PPM1L: variants seen among roughly 807,000 people sequenced by gnomAD.
PPM1L encodes the protein protein phosphatase, Mg2+/Mn2+ dependent 1L.
PPM1L carries 13 observed loss-of-function variants against 31.4 expected under a neutral mutation model. That is an observed-to-expected ratio of 0.41 (90% confidence interval 0.27 to 0.66). The LOEUF (loss-of-function observed/expected upper bound fraction) is 0.66, where lower values mean the gene tolerates loss of function less well. Among genes scored for constraint, PPM1L ranks in the 30% least tolerant of loss-of-function variants. The pLI, the probability that PPM1L is intolerant of heterozygous loss-of-function variation, is 0.29. For missense variants in PPM1L, 326 were observed against 453.7 expected (o/e 0.72, Z 2.56); for synonymous variants, 184 against 175.4 (o/e 1.05, Z -0.39).
chr3:161,023,370 C>A (rs749530604), intron 2 of PPM1L, among the ~76,000 whole-genome samples: 29 of 152,102 alleles, frequency 1.9e-4, no homozygotes, highest in Middle Eastern at 3.4e-3. Context: ...TATGTTGTTG[C>A]AATTCATGAT....
At chr3:160,856,925 T>C (rs574039878) in intron 1 of PPM1L, among the ~76,000 whole-genome samples, 2 of 152,302 alleles carry the variant, frequency 1.3e-5, no homozygotes, top group South Asian at 4.1e-4. Flanking sequence ...GTTTTTGTAG[T>C]TGATTGTTTA....
rs1720176808 is a variant in PPM1L at position 161,078,405 on chromosome 3, T to C, written c.*9248T>C. On this transcript the variant is annotated 3_prime_UTR_variant, in exon 4 of 4. Coordinates refer to ENST00000498165, the MANE Select transcript of PPM1L (RefSeq NM_139245.4). ...TTTAAAAATCACAAGGGATTATTTG[T>C]TTATAAAGAGATACAGGATCTATAA... 6.6e-6 allele frequency: 1 copy of C among 152,218 alleles called. No homozygotes were observed. 9.4% of individuals were successfully genotyped at this position (152,218 alleles called of 1,614,324 possible).
At chr3:161,053,214 A>G (rs569322044) in intron 2 of PPM1L, among the ~76,000 whole-genome samples, 1 of 152,366 alleles carries the variant, frequency 6.6e-6, no homozygotes, top group South Asian at 2.1e-4. Context: ...ATTATAAATT[A>G]ATTTCAGTAG....
chr3:161,014,368 A>G (rs775444338), intron 2 of PPM1L, among the ~76,000 whole-genome samples: 9 of 152,132 alleles, frequency 5.9e-5, no homozygotes, highest in African/African-American at 1.2e-4. Context: ...ACTCCAAATT[A>G]TAACATATCC....
chr3:161,009,986 A>G (rs1416173475), intron 2 of PPM1L, among the ~76,000 whole-genome samples: 1 of 152,058 alleles, frequency 6.6e-6, no homozygotes, highest in Non-Finnish European at 1.5e-5. Flanking sequence ...TATCCATGTT[A>G]GTTGTTTTTA....
At chr3:160,835,039 A>ACTTCTTCTTCTTCTT (rs201253772) in intron 1 of PPM1L, among the ~76,000 whole-genome samples, 12,370 of 131,570 alleles carry the variant, frequency 0.094, 678 homozygotes, top group East Asian at 0.16. Context: ...TACTACTACT[A>ACTTCTTCTTCTTCTT]CTTCTTCTTC....
intron 1 of PPM1L, among the ~76,000 whole-genome samples, chr3:160,821,608 G>T (rs1398352752): frequency 6.6e-6 from 1 of 152,062 alleles, no homozygotes; most frequent in Non-Finnish European, 1.5e-5. Flanking sequence ...TTTTTTGGGA[G>T]TAAATTTTGG....
intron 1 of PPM1L, among the ~76,000 whole-genome samples, chr3:160,858,818 A>G (rs142658138): frequency 5.4e-4 from 82 of 152,274 alleles, no homozygotes; most frequent in Non-Finnish European, 1.0e-3. Context: ...CAGTTTCCTC[A>G]TCTATAATAA....
intron 1 of PPM1L, among the ~76,000 whole-genome samples, chr3:160,887,133 A>G (rs1323975996): frequency 6.6e-6 from 1 of 152,052 alleles, no homozygotes; most frequent in Non-Finnish European, 1.5e-5. Flanking sequence ...CATCTTGCTT[A>G]AATAATGCAT....
intron 1 of PPM1L, among the ~76,000 whole-genome samples, chr3:160,814,279 A>G (rs74819283): frequency 0.092 from 13,924 of 152,124 alleles, 974 homozygotes; most frequent in African/African-American, 0.19. Context: ...ATCAGGTTAA[A>G]TCTGGAGCAT....
rs946479801 is a variant in PPM1L at position 160,762,565 on chromosome 3, T to TA, written c.399+5866dup. ...TCTACTTGGAGAGATGAGCTTTTTT[T>TA]AAAAAAAATAGCAGAGTTACAAGAT... On this transcript the variant is annotated intron_variant, in intron 1 of 3. Coordinates refer to ENST00000498165, the MANE Select transcript of PPM1L (RefSeq NM_139245.4). Among the ~76,000 whole-genome samples the TA allele has an allele frequency of 1.6e-4, 25 of 152,078 alleles. No individual in the cohort carries two copies. The East Asian group carries it at 1.7e-3, about 11-fold the overall frequency.
At chr3:161,038,711 C>G (rs1718825660) in intron 2 of PPM1L, among the ~76,000 whole-genome samples, 1 of 149,416 alleles carries the variant, frequency 6.7e-6, no homozygotes, top group South Asian at 2.1e-4. Flanking sequence ...AGTGATTAAT[C>G]TGAAAATCAT....
chr3:160,814,518 T>TACACACAC (rs1330029237), intron 1 of PPM1L, among the ~76,000 whole-genome samples: 2 of 78,564 alleles, frequency 2.5e-5, no homozygotes, highest in African/African-American at 6.1e-5. Context: ...TGTATATATA[T>TACACACAC]ACACACACAT....
At chr3:160,956,747 A>C (rs1715787995) in intron 1 of PPM1L, among the ~76,000 whole-genome samples, 1 of 152,254 alleles carries the variant, frequency 6.6e-6, no homozygotes, top group Non-Finnish European at 1.5e-5. Flanking sequence ...AAAATTAAAG[A>C]CCAAGAATAG....
rs138777819 is a variant in PPM1L at position 161,027,275 on chromosome 3, T to G, written c.575-38128T>G. Among the ~76,000 whole-genome samples the G allele has an allele frequency of 9.6e-4, 146 of 152,270 alleles. 1 individual carries two copies. Among genetic ancestry groups the G allele is most frequent in the Non-Finnish European group, 1.6e-3 (107 of 68,020 alleles). On this transcript the variant is annotated intron_variant, in intron 2 of 3. Transcript: ENST00000498165. ...GGGGAGATTGCAGGCCAAGAGACCT[T>G]TAGACGATTGGTGCAATCAAGGTGT...
intron 2 of PPM1L, among the ~76,000 whole-genome samples, chr3:161,013,214 G>T (rs1364872448): frequency 6.6e-6 from 1 of 152,114 alleles, no homozygotes; most frequent in Non-Finnish European, 1.5e-5. Context: ...AGAGATTCTG[G>T]TATGTTGTGT....
intron 2 of PPM1L, among the ~76,000 whole-genome samples, chr3:160,981,692 C>G (rs910059423): frequency 6.6e-6 from 1 of 151,922 alleles, no homozygotes; most frequent in African/African-American, 2.4e-5. Flanking sequence ...TCTTCCAACT[C>G]CTCCACTCTC....
intron 2 of PPM1L, among the ~76,000 whole-genome samples, chr3:161,023,025 A>G (rs1035955122): frequency 1.3e-5 from 2 of 151,980 alleles, no homozygotes; most frequent in African/African-American, 2.4e-5. Flanking sequence ...CACTCTTTTC[A>G]TGAGCACTTC....
chr3:160,957,912 A>C (rs1338659631), intron 1 of PPM1L, among the ~76,000 whole-genome samples: 1 of 152,054 alleles, frequency 6.6e-6, no homozygotes, highest in Non-Finnish European at 1.5e-5. Flanking sequence ...TCTAATGATC[A>C]GTGATGTTGA....
Sources: gnomAD v4.1 joint callset for allele counts (sites outside exome capture counted in the v4.1 genomes callset) on GRCh38, gnomAD v4.1.1 for gene constraint, MANE v1.5 for transcripts, NCBI Gene and HGNC (gene_info 2026-07-23, HGNC 2026-07-21) for gene names.